Variants in AMBRA1 observed in about 807,000 individuals in gnomAD.
AMBRA1 encodes the protein autophagy and beclin 1 regulator 1.
AMBRA1 carries 47 observed loss-of-function variants against 125.4 expected under a neutral mutation model. The observed-to-expected ratio is 0.37, with a 90% confidence interval of 0.30 to 0.48. AMBRA1 has a LOEUF of 0.48. AMBRA1 is among the 20% of genes least tolerant of loss of function. The pLI is 0.99. For synonymous variants in AMBRA1, 626 were observed against 655.5 expected, an observed-to-expected ratio of 0.95 and a Z score of 0.69; for missense variants, 1,331 against 1,693.4, an observed-to-expected ratio of 0.79 and a Z score of 3.76.
intron 17 of AMBRA1, among the ~76,000 whole-genome samples, chr11:46,402,502 C>T (rs1472990274): frequency 6.6e-6 from 1 of 152,196 alleles, no homozygotes; most frequent in African/African-American, 2.4e-5. Context: ...GCTGGGATTA[C>T]ATGTGTGCAC....
At chr11:46,569,431 A>T (rs1459869544) in intron 1 of AMBRA1, among the ~76,000 whole-genome samples, 1 of 98,192 alleles carries the variant, frequency 1.0e-5, no homozygotes, top group South Asian at 3.3e-4. Flanking sequence ...GAGAGATTAA[A>T]AAAAAAAAAA....
At chr11:46,485,535 G>A (rs1950237501) in intron 11 of AMBRA1, among the ~76,000 whole-genome samples, 1 of 152,172 alleles carries the variant, frequency 6.6e-6, no homozygotes, top group Non-Finnish European at 1.5e-5. Context: ...ACAAAACATA[G>A]ATATTGGGCT....
intron 1 of AMBRA1, among the ~76,000 whole-genome samples, chr11:46,565,269 G>A (rs1324924610): frequency 6.6e-6 from 1 of 150,974 alleles, no homozygotes; most frequent in Non-Finnish European, 1.5e-5. Context: ...AAAAAAAAAC[G>A]AAAAGGAAAA....
At chr11:46,522,295 A>T (rs1009503137) in intron 7 of AMBRA1, among the ~76,000 whole-genome samples, 1 of 152,220 alleles carries the variant, frequency 6.6e-6, no homozygotes, top group African/African-American at 2.4e-5. Context: ...TACCCTCAAC[A>T]CATTACACTA....
At chr11:46,484,733 C>T (rs936972419) in intron 11 of AMBRA1, among the ~76,000 whole-genome samples, 1 of 151,226 alleles carries the variant, frequency 6.6e-6, no homozygotes, top group Non-Finnish European at 1.5e-5. Flanking sequence ...CTGCAAGCTC[C>T]GCCTCCCGGA....
chr11:46,421,322 G>A (rs928846536), intron 14 of AMBRA1, among the ~76,000 whole-genome samples: 12 of 152,218 alleles, frequency 7.9e-5, no homozygotes, highest in African/African-American at 2.9e-4. Context: ...TGCCGAAAGG[G>A]CAGTTCTCAA....
intron 1 of AMBRA1, among the ~76,000 whole-genome samples, chr11:46,554,494 C>A (rs1297291132): frequency 1.3e-5 from 2 of 152,182 alleles, no homozygotes; most frequent in African/African-American, 4.8e-5. Flanking sequence ...GGGACCTAAA[C>A]ACACTAACAG....
At chr11:46,405,373 C>T (rs147706967) in intron 17 of AMBRA1, among the ~76,000 whole-genome samples, 3 of 152,228 alleles carry the variant, frequency 2.0e-5, no homozygotes, top group East Asian at 1.9e-4. Flanking sequence ...TTGTCTTCAC[C>T]GCTTTTACCA....
intron 1 of AMBRA1, 73 bp downstream of exon 1, chr11:46,593,755 C>G (rs2044691392): frequency 2.6e-6 from 1 of 390,066 alleles, no homozygotes; most frequent in African/African-American, 2.1e-5. Flanking sequence ...GCCCACCCGC[C>G]GGCGCCAAGG....
At chr11:46,577,322 A>C (rs999373694) in intron 1 of AMBRA1, among the ~76,000 whole-genome samples, 6 of 152,158 alleles carry the variant, frequency 3.9e-5, no homozygotes, top group African/African-American at 1.4e-4. Flanking sequence ...AGATAAATAA[A>C]CCTCCAAAAC....
intron 11 of AMBRA1, among the ~76,000 whole-genome samples, chr11:46,462,357 G>GC (rs1949132405): frequency 6.6e-6 from 1 of 152,138 alleles, no homozygotes; most frequent in Non-Finnish European, 1.5e-5. Context: ...AACACTAAGC[G>GC]CCGGGCCCTT....
intron 11 of AMBRA1, among the ~76,000 whole-genome samples, chr11:46,464,803 T>C (rs1949250358): frequency 1.3e-5 from 2 of 151,018 alleles, no homozygotes; most frequent in African/African-American, 4.9e-5. Context: ...TCCAAGCACT[T>C]TGCGAGGCCA....
chr11:46,456,446 C>T (rs1270920644), intron 11 of AMBRA1, among the ~76,000 whole-genome samples: 1 of 152,176 alleles, frequency 6.6e-6, no homozygotes, highest in Non-Finnish European at 1.5e-5. Context: ...AAACTGTCAG[C>T]CTCTCATCAT....
chr11:46,397,404 T>C lies in AMBRA1; in HGVS notation c.*46A>G. 3 of 1,458,404 alleles carry C rather than the reference T, an allele frequency of 2.1e-6. No individual in the cohort carries two copies. Among genetic ancestry groups the C allele is most frequent in the Non-Finnish European group, 2.7e-6 (3 of 1,103,600 alleles). The allele number at this position is 1,458,404 out of a possible 1,614,324, so 90.3% of individuals were successfully genotyped here. A position where few individuals can be genotyped will look rare whatever the true frequency, so the allele number is the denominator to read the frequency against. On this transcript the variant is annotated 3_prime_UTR_variant, in exon 18 of 18. Coordinates refer to ENST00000683756, the MANE Select transcript of AMBRA1 (RefSeq NM_001387011.1). ...GTTCCCAGTCAGCTGTGAGGTCCGGTTTCTGCTTGGCGGTTCGAGGGGAGG... is the reference window on the plus strand; with the variant it reads ...GTTCCCAGTCAGCTGTGAGGTCCGGCTTCTGCTTGGCGGTTCGAGGGGAGG...
At chr11:46,442,345 G>A (rs960825651) in intron 12 of AMBRA1, among the ~76,000 whole-genome samples, 1 of 152,012 alleles carries the variant, frequency 6.6e-6, no homozygotes, top group African/African-American at 2.4e-5. Context: ...GTTTCATCAT[G>A]TTGGCCAGGC....
At chr11:46,400,126 G>A (rs1445962201) in intron 17 of AMBRA1, among the ~76,000 whole-genome samples, 2 of 152,116 alleles carry the variant, frequency 1.3e-5, no homozygotes, top group Non-Finnish European at 2.9e-5. Flanking sequence ...TCTTGGTAGG[G>A]TGAGAACCAG....
intron 1 of AMBRA1, among the ~76,000 whole-genome samples, chr11:46,549,364 G>C (rs1275361964): frequency 6.6e-6 from 1 of 152,162 alleles, no homozygotes; most frequent in African/African-American, 2.4e-5. Context: ...AAAGTTGAAA[G>C]AATGGTACAA....
Position 46,433,339 on chromosome 11 carries a change from C to T in AMBRA1, c.2976+135G>A, listed in dbSNP as rs1947543516. The T allele has an allele frequency of 2.7e-6, 3 of 1,110,544 alleles. No homozygotes were observed. The Admixed American group carries it at 8.8e-5, about 32-fold the overall frequency. 68.8% of individuals were successfully genotyped at this position (1,110,544 alleles called of 1,614,324 possible). On this transcript the variant is annotated intron_variant, in intron 14 of 17. Transcript: ENST00000683756. Reference sequence around the variant, plus strand: ...GCCTGCTGGTCATGGATGGGCTTGACTACAGCCCTTCCTTACTCCTTATGA... The same window carrying T: ...GCCTGCTGGTCATGGATGGGCTTGATTACAGCCCTTCCTTACTCCTTATGA...
chr11:46,428,707 G>C lies in AMBRA1; in HGVS notation c.2976+4767C>G, dbSNP rs188290494. ...CAAATCCGCCTCTAAACTGGAATTCGGTTGCTGACCCAGCCCCAGCCTCGG... is the reference window on the plus strand; with the variant it reads ...CAAATCCGCCTCTAAACTGGAATTCCGTTGCTGACCCAGCCCCAGCCTCGG... On this transcript the variant is annotated intron_variant, in intron 14 of 17. Transcript: ENST00000683756. The C allele has an allele frequency of 3.7e-6, 6 of 1,605,964 alleles. No individual in the cohort carries two copies. In the Admixed American group the frequency reaches 1.0e-4, roughly 27 times the overall value.
Sources: gnomAD v4.1 joint callset for allele counts (sites outside exome capture counted in the v4.1 genomes callset) on GRCh38, gnomAD v4.1.1 for gene constraint, MANE v1.5 for transcripts, NCBI Gene and HGNC (gene_info 2026-07-23, HGNC 2026-07-21) for gene names.